Variants in CDH18 observed in about 807,000 individuals in gnomAD.
CDH18 encodes the protein cadherin-18.
CDH18 carries 31 observed loss-of-function variants against 67.9 expected under a neutral mutation model. The observed-to-expected ratio is 0.46, with a 90% CI of 0.34 to 0.62. The LOEUF is 0.62. CDH18 is among the 20% of genes least tolerant of loss of function. The pLI, the probability that CDH18 is intolerant of heterozygous loss-of-function variation, is 0.01. For missense variants in CDH18, 890 were observed against 975.5 expected (o/e 0.91, Z 1.17); for synonymous variants, 362 against 347.2 (o/e 1.04, Z -0.48).
At chr5:19,624,794 A>T (rs887136307) in intron 5 of CDH18, among the ~76,000 whole-genome samples, 3 of 152,124 alleles carry the variant, frequency 2.0e-5, no homozygotes, top group Non-Finnish European at 2.9e-5. Flanking sequence ...TGTTCCCCTT[A>T]ATCTCTAGTA....
chr5:20,466,034 T>G (rs1360293111), intron 1 of CDH18, among the ~76,000 whole-genome samples: 1 of 152,066 alleles, frequency 6.6e-6, no homozygotes, highest in South Asian at 2.1e-4. Flanking sequence ...GAGGTAAGAA[T>G]GCAGTGGTTT....
At chr5:20,478,722 C>T (rs1014342443) in intron 1 of CDH18, among the ~76,000 whole-genome samples, 11 of 152,200 alleles carry the variant, frequency 7.2e-5, no homozygotes, top group East Asian at 1.9e-4. Context: ...GGATTCACCA[C>T]GTACTGACTG....
At chr5:19,570,215 T>G (rs1175660034) in intron 8 of CDH18, among the ~76,000 whole-genome samples, 3 of 152,164 alleles carry the variant, frequency 2.0e-5, no homozygotes, top group African/African-American at 7.2e-5. Flanking sequence ...GGCTTTCCTT[T>G]GGTTAAGCAA....
At chr5:19,705,474 G>T (rs111602597) in intron 5 of CDH18, among the ~76,000 whole-genome samples, 117 of 152,222 alleles carry the variant, frequency 7.7e-4, no homozygotes, top group African/African-American at 2.6e-3. Context: ...CCTAGTCTCA[G>T]TTGCCCTCAA....
At chr5:20,064,161 T>G (rs1245983232) in intron 2 of CDH18, among the ~76,000 whole-genome samples, 2 of 152,162 alleles carry the variant, frequency 1.3e-5, no homozygotes, top group Non-Finnish European at 2.9e-5. Context: ...TCAGTTAAAA[T>G]TTTCTCTAAA....
chr5:19,691,808 C>G (rs1279063295), intron 5 of CDH18, among the ~76,000 whole-genome samples: 1 of 151,784 alleles, frequency 6.6e-6, no homozygotes. Flanking sequence ...TTACTAAAAT[C>G]AATCTTGATT....
intron 4 of CDH18, among the ~76,000 whole-genome samples, chr5:19,734,890 G>T (rs763715369): frequency 2.0e-5 from 3 of 152,106 alleles, no homozygotes; most frequent in Non-Finnish European, 2.9e-5. Context: ...ATATCTAAGT[G>T]TAAGTTATAT....
At chr5:20,566,526 A>ATTTTTTTTTTTT (rs33950954) in intron 1 of CDH18, among the ~76,000 whole-genome samples, 21 of 97,372 alleles carry the variant, frequency 2.2e-4, no homozygotes, top group South Asian at 3.5e-4. Flanking sequence ...TGCCCAGCTA[A>ATTTTTTTTTTTT]TTTTTTTTTT....
intron 1 of CDH18, among the ~76,000 whole-genome samples, chr5:20,259,392 G>C (rs1411350840): frequency 6.6e-6 from 1 of 152,110 alleles, no homozygotes; most frequent in Non-Finnish European, 1.5e-5. Context: ...TGAACTACAT[G>C]GTTCCATTTT....
At chr5:19,905,530 T>C (rs1487900893) in intron 2 of CDH18, among the ~76,000 whole-genome samples, 1 of 151,936 alleles carries the variant, frequency 6.6e-6, no homozygotes, top group Non-Finnish European at 1.5e-5. Flanking sequence ...GTATGATTAG[T>C]AGTTTAATAG....
chr5:19,842,904 A>C (rs1004396686), intron 2 of CDH18, among the ~76,000 whole-genome samples: 1 of 152,206 alleles, frequency 6.6e-6, no homozygotes, highest in Non-Finnish European at 1.5e-5. Context: ...GCTATGTTTC[A>C]GCAAAGAGAC....
chr5:20,335,028 T>C (rs553536686), intron 1 of CDH18, among the ~76,000 whole-genome samples: 1,966 of 152,232 alleles, frequency 0.013, 12 homozygotes, highest in Non-Finnish European at 0.019. Context: ...TTTTGAGTCT[T>C]CTCTTTGGTT....
intron 12 of CDH18, among the ~76,000 whole-genome samples, chr5:19,480,205 T>G (rs76947662): frequency 0.018 from 2,797 of 152,226 alleles, 34 homozygotes; most frequent in Non-Finnish European, 0.029. Flanking sequence ...GTTAGGACTC[T>G]AGAGAGATCC....
intron 2 of CDH18, among the ~76,000 whole-genome samples, chr5:19,896,548 G>A (rs541275739): frequency 4.5e-4 from 69 of 152,228 alleles, no homozygotes; most frequent in Non-Finnish European, 9.3e-4. Flanking sequence ...CCAAAGAACA[G>A]ATTCTTCCCT....
At position 19,472,984 on chromosome 5, in the gene CDH18, C is replaced by T. The variant is rs1737787385; in HGVS notation, c.*242G>A. ...AAACAGTACCACAGACTTTATTGAG[C>T]AATTGAAAATATACACAAGGAACAA... On this transcript the variant is annotated 3_prime_UTR_variant, in exon 13 of 13. Transcript: ENST00000382275. The T allele has an allele frequency of 4.7e-6, 2 of 422,820 alleles. No individual in the cohort carries two copies. Among genetic ancestry groups the T allele is most frequent in the Admixed American group, 4.0e-5 (1 of 25,040 alleles). 26.2% of individuals were successfully genotyped at this position (422,820 alleles called of 1,614,324 possible). A position where few individuals can be genotyped will look rare whatever the true frequency, so the allele number is the denominator to read the frequency against.
chr5:20,016,698 G>GT (rs1737912552), intron 2 of CDH18, among the ~76,000 whole-genome samples: 1 of 152,222 alleles, frequency 6.6e-6, no homozygotes, highest in African/African-American at 2.4e-5. Context: ...GAACAATGCA[G>GT]TATCTAACCT....
chr5:19,687,119 C>T (rs549161723), intron 5 of CDH18, among the ~76,000 whole-genome samples: 3 of 152,236 alleles, frequency 2.0e-5, no homozygotes, highest in Admixed American at 6.5e-5. Context: ...TGGAAAGGCT[C>T]CCCACTGTGT....
chr5:20,419,583 C>T (rs998811012), intron 1 of CDH18, among the ~76,000 whole-genome samples: 1 of 146,678 alleles, frequency 6.8e-6, no homozygotes, highest in Non-Finnish European at 1.5e-5. Flanking sequence ...TCACGCTATT[C>T]TCCTGCCTCA....
intron 1 of CDH18, among the ~76,000 whole-genome samples, chr5:20,452,903 G>A (rs1750565904): frequency 6.6e-6 from 1 of 152,090 alleles, no homozygotes; most frequent in African/African-American, 2.4e-5. Flanking sequence ...CTTGTTATAT[G>A]TGTATATTAA....
Sources: gnomAD v4.1 joint callset for allele counts (sites outside exome capture counted in the v4.1 genomes callset) on GRCh38, gnomAD v4.1.1 for gene constraint, MANE v1.5 for transcripts, NCBI Gene and HGNC (gene_info 2026-07-23, HGNC 2026-07-21) for gene names.